The following TMEM163 variants were observed in gnomAD, a reference collection of about 807,000 sequenced individuals.
The protein encoded by TMEM163 is transmembrane protein 163.
A neutral mutation model predicts 29.3 loss-of-function variants in TMEM163; 17 were observed. The observed-to-expected ratio is 0.58, with a 90% CI of 0.40 to 0.87. The LOEUF (loss-of-function observed/expected upper bound fraction) is 0.87. Ranked by LOEUF, TMEM163 falls within the 40% of genes least tolerant of loss-of-function variation. The pLI is 0.00. For synonymous variants in TMEM163, 157 were observed against 160.6 expected, an observed-to-expected ratio of 0.98 and a Z score of 0.17; for missense variants, 303 against 381.5, an observed-to-expected ratio of 0.79 and a Z score of 1.71.
chr2:134,456,874 T>C, intron 7 of TMEM163, 98 bp from the exon 8 acceptor site: 2 of 1,269,546 alleles, frequency 1.6e-6, no homozygotes, highest in Non-Finnish European at 2.2e-6. Flanking sequence ...ATAATTCACA[T>C]ACCATAAAAT....
chr2:134,498,800 C>T (rs756532735), intron 5 of TMEM163, among the ~76,000 whole-genome samples: 3 of 152,194 alleles, frequency 2.0e-5, no homozygotes, highest in African/African-American at 4.8e-5. Flanking sequence ...GGACAGCCCT[C>T]GGCAGCACTG....
chr2:134,700,012 CT>C (rs372940796), intron 2 of TMEM163, among the ~76,000 whole-genome samples: 18 of 152,184 alleles, frequency 1.2e-4, no homozygotes, highest in African/African-American at 4.3e-4. Flanking sequence ...TTAAATTTGT[CT>C]CCTATTAACA....
intron 2 of TMEM163, among the ~76,000 whole-genome samples, chr2:134,581,989 T>C (rs879356361): frequency 6.6e-5 from 10 of 152,166 alleles, no homozygotes; most frequent in Non-Finnish European, 1.0e-4. Context: ...TGAGTGCGCA[T>C]AGAAGTATCA....
chr2:134,462,341 C>T (rs775188318), intron 6 of TMEM163, among the ~76,000 whole-genome samples: 1 of 152,144 alleles, frequency 6.6e-6, no homozygotes, highest in Non-Finnish European at 1.5e-5. Context: ...CCACCAATGA[C>T]CAGAGGGCTC....
At chr2:134,573,442 G>A (rs563196531) in intron 2 of TMEM163, among the ~76,000 whole-genome samples, 2 of 152,304 alleles carry the variant, frequency 1.3e-5, no homozygotes, top group South Asian at 2.1e-4. Flanking sequence ...AGACATTGTT[G>A]GTTGTCACAG....
chr2:134,581,507 C>G (rs908597851), intron 2 of TMEM163, among the ~76,000 whole-genome samples: 1 of 152,282 alleles, frequency 6.6e-6, no homozygotes, highest in Admixed American at 6.5e-5. Flanking sequence ...CCACTTCCTT[C>G]CAAATGTAAA....
intron 2 of TMEM163, among the ~76,000 whole-genome samples, chr2:134,659,105 C>T (rs1683688652): frequency 6.6e-6 from 1 of 152,160 alleles, no homozygotes; most frequent in Non-Finnish European, 1.5e-5. Context: ...TCCTAGGCTA[C>T]AAACCTACAG....
intron 2 of TMEM163, among the ~76,000 whole-genome samples, chr2:134,651,593 G>A (rs1283849759): frequency 2.2e-3 from 263 of 121,686 alleles, no homozygotes; most frequent in South Asian, 8.8e-3. Flanking sequence ...CATTGCTTTT[G>A]GTGTTTTGGA....
At chr2:134,592,902 T>C (rs1477423524) in intron 2 of TMEM163, among the ~76,000 whole-genome samples, 1 of 48,280 alleles carries the variant, frequency 2.1e-5, no homozygotes, top group Non-Finnish European at 5.3e-5. Context: ...ACCAACCCTA[T>C]ATCCTTGGAA....
At chr2:134,577,215 T>C (rs1346671000) in intron 2 of TMEM163, among the ~76,000 whole-genome samples, 1 of 152,222 alleles carries the variant, frequency 6.6e-6, no homozygotes, top group African/African-American at 2.4e-5. Flanking sequence ...CATAAAGATA[T>C]GGACACCGTC....
chr2:134,483,303 C>T (rs1017031579), intron 5 of TMEM163, among the ~76,000 whole-genome samples: 1 of 152,118 alleles, frequency 6.6e-6, no homozygotes, highest in African/African-American at 2.4e-5. Flanking sequence ...TGGTGGCCGT[C>T]GGGCATTTAA....
At chr2:134,463,125 T>C (rs536467392) in intron 6 of TMEM163, among the ~76,000 whole-genome samples, 1 of 152,202 alleles carries the variant, frequency 6.6e-6, no homozygotes, top group East Asian at 1.9e-4. Flanking sequence ...GAGGAGACAT[T>C]GCAGGGCAGG....
At chr2:134,642,949 C>CA (rs1308594513) in intron 2 of TMEM163, among the ~76,000 whole-genome samples, 3 of 150,630 alleles carry the variant, frequency 2.0e-5, no homozygotes, top group Non-Finnish European at 4.4e-5. Flanking sequence ...TTCTACCCTA[C>CA]AAAAAAAGAG....
At chr2:134,476,320 A>G (rs1686911845) in intron 5 of TMEM163, among the ~76,000 whole-genome samples, 2 of 152,226 alleles carry the variant, frequency 1.3e-5, no homozygotes, top group African/African-American at 4.8e-5. Flanking sequence ...GGAGGTGATT[A>G]ATGACAGCAA....
intron 2 of TMEM163, among the ~76,000 whole-genome samples, chr2:134,602,576 C>T (rs778527344): frequency 2.6e-5 from 4 of 152,198 alleles, no homozygotes; most frequent in East Asian, 3.9e-4. Flanking sequence ...ATTGCCCTGA[C>T]GAGCACAGTA....
At chr2:134,635,396 A>C (rs904658370) in intron 2 of TMEM163, among the ~76,000 whole-genome samples, 3 of 152,172 alleles carry the variant, frequency 2.0e-5, no homozygotes, top group Non-Finnish European at 2.9e-5. Context: ...TCGTTTGCTA[A>C]AGGAATAGCA....
intron 2 of TMEM163, among the ~76,000 whole-genome samples, chr2:134,656,410 G>T (rs901600140): frequency 1.3e-5 from 2 of 151,512 alleles, no homozygotes; most frequent in Non-Finnish European, 2.9e-5. Context: ...TTCGGCTCGC[G>T]CACGGTGCAC....
chr2:134,678,693 C>T (rs1684170358), intron 2 of TMEM163, among the ~76,000 whole-genome samples: 1 of 152,204 alleles, frequency 6.6e-6, no homozygotes, highest in Non-Finnish European at 1.5e-5. Flanking sequence ...CCCAGGTCGA[C>T]TGGGCTGCAA....
intron 5 of TMEM163, among the ~76,000 whole-genome samples, chr2:134,492,391 C>T (rs1288343903): frequency 6.6e-6 from 1 of 152,214 alleles, no homozygotes; most frequent in African/African-American, 2.4e-5. Context: ...TCAGCATTAA[C>T]ATATCTTAAT....
Sources: gnomAD v4.1 joint callset for allele counts (sites outside exome capture counted in the v4.1 genomes callset) on GRCh38, gnomAD v4.1.1 for gene constraint, MANE v1.5 for transcripts, NCBI Gene and HGNC (gene_info 2026-07-23, HGNC 2026-07-21) for gene names.